SMCO2: variants seen among roughly 807,000 people sequenced by gnomAD.
SMCO2 encodes the protein single-pass membrane protein with coiled-coil domains 2, also known as single-pass membrane and coiled-coil domain-containing protein 2.
SMCO2 carries 25 observed loss-of-function variants against 29.5 expected under a neutral mutation model. That is an observed-to-expected ratio of 0.85 (90% CI 0.62 to 1.18). SMCO2 has a LOEUF of 1.18. Ranked by LOEUF, SMCO2 falls within the 50% of genes most tolerant of loss-of-function variation. The pLI, the probability that SMCO2 is intolerant of heterozygous loss-of-function variation, is 0.00. For synonymous variants in SMCO2, 117 were observed against 123.3 expected (o/e 0.95, Z 0.34); for missense variants, 348 against 344.5 (o/e 1.01, Z -0.08).
intron 2 of SMCO2, 96 bp downstream of exon 2, chr12:27,470,861 A>G: frequency 7.3e-7 from 1 of 1,369,184 alleles, no homozygotes; most frequent in African/African-American, 1.5e-5. Flanking sequence ...TTCCAGGTTC[A>G]GAGTCTAGGT....
the SMCO2 span, among the ~76,000 whole-genome samples, chr12:27,444,820 G>A: frequency 6.6e-6 from 1 of 152,152 alleles, no homozygotes; most frequent in Non-Finnish European, 1.5e-5. Context: ...ATATGATCCA[G>A]CAATGCCACT....
At chr12:27,457,805 C>T in the SMCO2 span, among the ~76,000 whole-genome samples, 3 of 152,198 alleles carry the variant, frequency 2.0e-5, no homozygotes, top group Non-Finnish European at 2.9e-5. Context: ...TTTAAAACTT[C>T]GTAACCAGTA....
At chr12:27,482,776 G>A (rs1438091262) in intron 4 of SMCO2, among the ~76,000 whole-genome samples, 1 of 152,150 alleles carries the variant, frequency 6.6e-6, no homozygotes, top group Non-Finnish European at 1.5e-5. Context: ...TGTTGCCCAG[G>A]CTGGAGTGCA....
At chr12:27,465,665 G>A (rs559922035), upstream of SMCO2, among the ~76,000 whole-genome samples, 5 of 152,258 alleles carry the variant, frequency 3.3e-5, no homozygotes, top group South Asian at 2.1e-4. Context: ...CCTATTGTGC[G>A]TCAGCCACTC....
chr12:27,471,149 C>T (rs1221861161), intron 2 of SMCO2, among the ~76,000 whole-genome samples: 4 of 152,062 alleles, frequency 2.6e-5, no homozygotes, highest in South Asian at 2.1e-4. Flanking sequence ...GTTTAAAATG[C>T]ATACTAGTTT....
the SMCO2 span, among the ~76,000 whole-genome samples, chr12:27,433,013 T>C: frequency 6.6e-6 from 1 of 152,220 alleles, no homozygotes. Context: ...CAGTATTTGC[T>C]ACAGAATGGC....
chr12:27,480,359 G>A (rs969811758), intron 4 of SMCO2, among the ~76,000 whole-genome samples: 20 of 152,242 alleles, frequency 1.3e-4, no homozygotes, highest in African/African-American at 4.8e-4. Context: ...AGGAACAATG[G>A]CTCCTCAGGC....
chr12:27,441,517 A>C, the SMCO2 span, among the ~76,000 whole-genome samples: 1 of 152,214 alleles, frequency 6.6e-6, no homozygotes, highest in Non-Finnish European at 1.5e-5. Flanking sequence ...AAAGGGGTCA[A>C]TTCAGGAAGA....
At chr12:27,433,506 TACACACAC>T in the SMCO2 span, among the ~76,000 whole-genome samples, 2,507 of 147,456 alleles carry the variant, frequency 0.017, 62 homozygotes, top group African/African-American at 0.054. Context: ...CAGATGTGTA[TACACACAC>T]ACACACACAC....
At chr12:27,495,981 A>T in intron 7 of SMCO2, 126 bp downstream of exon 8, 2 of 1,036,796 alleles carry the variant, frequency 1.9e-6, no homozygotes, top group Non-Finnish European at 2.6e-6. Flanking sequence ...TAAATTATCT[A>T]TGTTCTTTAA....
intron 3 of SMCO2, 29 bp downstream of exon 3, chr12:27,472,904 C>A: frequency 1.4e-6 from 2 of 1,465,900 alleles, no homozygotes; most frequent in Non-Finnish European, 1.9e-6. Flanking sequence ...GTAAGAGAGA[C>A]ACTTAAATGA....
the SMCO2 span, among the ~76,000 whole-genome samples, chr12:27,430,217 A>G: frequency 6.6e-6 from 1 of 152,176 alleles, no homozygotes; most frequent in Non-Finnish European, 1.5e-5. Flanking sequence ...CAGGGAGTTG[A>G]ATTAATGTGA....
At chr12:27,489,145 T>A (rs58841809) in intron 5 of SMCO2, among the ~76,000 whole-genome samples, 2,259 of 151,858 alleles carry the variant, frequency 0.015, 57 homozygotes, top group African/African-American at 0.051. Context: ...GCCTCCCGGG[T>A]TCAAGCAATT....
At position 27,475,679 on chromosome 12, in the gene SMCO2, A is replaced by G. The variant is rs142332590; in HGVS notation, c.362+766A>G. On this transcript the variant is annotated intron_variant, in intron 4 of 7. Coordinates refer to ENST00000298876, the Ensembl canonical transcript of SMCO2. ...AGCTGATTACATAGACGGAACGGAGAAAATTGACAATATTATTAAAAAAAT... is the reference window on the plus strand; with the variant it reads ...AGCTGATTACATAGACGGAACGGAGGAAATTGACAATATTATTAAAAAAAT... 572 of 1,549,298 alleles carry G rather than the reference A, an allele frequency of 3.7e-4. 3 individuals are homozygous for G. The African/African-American group carries it at 6.9e-3, about 19-fold the overall frequency.
At chr12:27,497,951 C>A in intron 7 of SMCO2, 2 of 324,392 alleles carry the variant, frequency 6.2e-6, no homozygotes, top group Non-Finnish European at 6.1e-6. Context: ...TGGTGTGTTG[C>A]TAGGGGAAGA....
intron 7 of SMCO2, among the ~76,000 whole-genome samples, chr12:27,500,825 G>T (rs917073731): frequency 6.6e-6 from 1 of 150,566 alleles, no homozygotes. Context: ...GTGATAGCCA[G>T]TGGGGATAAT....
At chr12:27,465,354 T>G (rs1221722568), upstream of SMCO2, among the ~76,000 whole-genome samples, 1 of 152,194 alleles carries the variant, frequency 6.6e-6, no homozygotes, top group East Asian at 1.9e-4. Context: ...AATTTTGTGA[T>G]TTTTCCTAAA....
intron 3 of SMCO2, 26 bp from the exon 4 acceptor site, chr12:27,474,760 T>A: frequency 6.4e-7 from 1 of 1,551,088 alleles, no homozygotes; most frequent in South Asian, 1.2e-5. Context: ...TTTGTTCTGC[T>A]TTGCTTCCAT....
At chr12:27,492,011 A>G (rs28634324) in intron 5 of SMCO2, among the ~76,000 whole-genome samples, 1 of 152,144 alleles carries the variant, frequency 6.6e-6, no homozygotes, top group Non-Finnish European at 1.5e-5. Context: ...GGCTGGTTGC[A>G]TGCTTATTTT....
Sources: gnomAD v4.1 joint callset for allele counts (sites outside exome capture counted in the v4.1 genomes callset) on GRCh38, gnomAD v4.1.1 for gene constraint, MANE v1.5 for transcripts, NCBI Gene and HGNC (gene_info 2026-07-23, HGNC 2026-07-21) for gene names.